The following CYTH1 variants were observed in gnomAD, a reference collection of about 807,000 sequenced individuals.
CYTH1 encodes cytohesin-1.
A neutral mutation model predicts 61.8 loss-of-function variants in CYTH1; 18 were observed. The observed-to-expected ratio is 0.29, with a 90% CI of 0.20 to 0.43. The LOEUF is 0.43. Ranked by LOEUF, CYTH1 falls within the 20% of genes least tolerant of loss-of-function variation. CYTH1 has a pLI of 1.00. For synonymous variants in CYTH1, 174 were observed against 184.3 expected, an observed-to-expected ratio of 0.94 and a Z score of 0.45; for missense variants, 336 against 510.5, an observed-to-expected ratio of 0.66 and a Z score of 3.29.
intron 1 of CYTH1, among the ~76,000 whole-genome samples, chr17:78,741,458 AC>A (rs2093341573): frequency 6.6e-6 from 1 of 152,212 alleles, no homozygotes; most frequent in Non-Finnish European, 1.5e-5. Context: ...AAAGCATAAT[AC>A]CCATATCAAT....
At chr17:78,782,123 C>A in intron 1 of CYTH1, 79 bp downstream of exon 1, 2 of 1,185,284 alleles carry the variant, frequency 1.7e-6, no homozygotes, top group Non-Finnish European at 2.1e-6. Context: ...CCAGCCGCCG[C>A]AAGCGCTGCC....
At chr17:78,718,218 TACACACACACACACACACACACACAC>T (rs55803104) in intron 1 of CYTH1, among the ~76,000 whole-genome samples, 3 of 128,394 alleles carry the variant, frequency 2.3e-5, no homozygotes, top group Middle Eastern at 3.7e-3. Flanking sequence ...AAACACTGAA[TACACACACACACACACACACACACAC>T]ACACACACAC....
intron 1 of CYTH1, among the ~76,000 whole-genome samples, chr17:78,712,249 G>A (rs2093142318): frequency 6.6e-6 from 1 of 151,936 alleles, no homozygotes; most frequent in Admixed American, 6.6e-5. Context: ...GAAAAGAAAT[G>A]CATTTTACAT....
chr17:78,698,168 AACACGC>A (rs1424250704), intron 9 of CYTH1, 95 bp downstream of exon 9: 2 of 983,422 alleles, frequency 2.0e-6, no homozygotes, highest in African/African-American at 3.3e-5. Context: ...CACACGCACA[AACACGC>A]ACACGCGCAC....
intron 1 of CYTH1, among the ~76,000 whole-genome samples, chr17:78,763,633 T>C (rs2093437272): frequency 6.6e-6 from 1 of 152,222 alleles, no homozygotes; most frequent in African/African-American, 2.4e-5. Context: ...AGTTGTTCTA[T>C]AAAATATGCT....
chr17:78,760,575 ACATATATATG>A (rs2093424625), intron 1 of CYTH1, among the ~76,000 whole-genome samples: 1 of 29,726 alleles, frequency 3.4e-5, no homozygotes, highest in Non-Finnish European at 8.1e-5. Context: ...ATATACACAT[ACATATATATG>A]TATATATATG....
rs183161362 is a variant in CYTH1, at chr17:78,721,528, T to C, written c.23-11796A>G. The stretch of plus-strand genomic sequence containing the variant: ...AGTTTCCCCACTAACAGTAAATCTA[T>C]TAAAGGCTTTTATTACTGCATTCTG... On this transcript the variant is annotated intron_variant, in intron 1 of 13. Transcript: ENST00000446868. Among the ~76,000 whole-genome samples, 13 of 152,328 alleles carry C rather than the reference T, an allele frequency of 8.5e-5. No homozygotes were observed. The East Asian group carries it at 2.1e-3, about 25-fold the overall frequency.
chr17:78,678,336 C>T (rs7502985), intron 13 of CYTH1: 152,483 of 152,520 alleles, frequency 1, 76,223 homozygotes, highest in Non-Finnish European at 1. Flanking sequence ...ACCACGATGC[C>T]ACAGGGGGAG....
chr17:78,742,383 G>A (rs1480340669), intron 1 of CYTH1, among the ~76,000 whole-genome samples: 1 of 152,218 alleles, frequency 6.6e-6, no homozygotes, highest in East Asian at 1.9e-4. Context: ...GAGAGAAGGT[G>A]GGACCCTGTC....
intron 1 of CYTH1, among the ~76,000 whole-genome samples, chr17:78,742,423 G>A (rs2093345023): frequency 6.6e-6 from 1 of 152,158 alleles, no homozygotes; most frequent in Non-Finnish European, 1.5e-5. Flanking sequence ...TTAGCTGGGC[G>A]TGGTGGCACA....
At chr17:78,688,674 A>G (rs901051547) in intron 11 of CYTH1, among the ~76,000 whole-genome samples, 5 of 152,228 alleles carry the variant, frequency 3.3e-5, no homozygotes, top group African/African-American at 1.2e-4. Flanking sequence ...GTGGCCTTCA[A>G]TAATTGCTTC....
intron 1 of CYTH1, among the ~76,000 whole-genome samples, chr17:78,778,972 T>C (rs1216212210): frequency 6.6e-6 from 1 of 152,174 alleles, no homozygotes; most frequent in African/African-American, 2.4e-5. Flanking sequence ...ACACAAACCT[T>C]AAAGAACTTG....
chr17:78,777,692 G>A (rs1210241999), intron 1 of CYTH1, among the ~76,000 whole-genome samples: 1 of 151,474 alleles, frequency 6.6e-6, no homozygotes, highest in African/African-American at 2.4e-5. Context: ...TTTCCCTCCA[G>A]AAAGAATTCT....
intron 1 of CYTH1, among the ~76,000 whole-genome samples, chr17:78,760,551 A>G (rs55760148): frequency 1.4e-4 from 4 of 28,228 alleles, no homozygotes; most frequent in Admixed American, 4.2e-4. Context: ...ATATGTATAT[A>G]TATATGTATA....
At chr17:78,738,606 T>C (rs541443307) in intron 1 of CYTH1, among the ~76,000 whole-genome samples, 1 of 151,086 alleles carries the variant, frequency 6.6e-6, no homozygotes, top group Non-Finnish European at 1.5e-5. Context: ...AACAGTTGAA[T>C]AAATACATAT....
intron 3 of CYTH1, 82 bp from the exon 4 acceptor site, chr17:78,702,686 A>C (rs1377648966): frequency 4.2e-6 from 6 of 1,434,124 alleles, no homozygotes; most frequent in Non-Finnish European, 5.9e-6. Flanking sequence ...CCACTGATTT[A>C]CACAGGTTTT....
At chr17:78,708,883 A>G (rs1252204825) in intron 2 of CYTH1, 1 of 152,478 alleles carries the variant, frequency 6.6e-6, no homozygotes, top group Non-Finnish European at 1.5e-5. Context: ...AGGGAGAACT[A>G]TCAAAATATA....
rs1228827857 is a variant in CYTH1 at position 78,674,091 on chromosome 17, G to A, written c.*2000C>T. ...AGTTTATTTGCTGCAGTTCCTTGGC[G>A]CTAGTTTACAAGGCAAAAACAAACA... is the stretch of plus-strand genomic sequence containing the variant. On this transcript the variant is annotated 3_prime_UTR_variant, in exon 14 of 14. Coordinates refer to ENST00000446868, the MANE Select transcript of CYTH1 (RefSeq NM_004762.6). The A allele has an allele frequency of 6.6e-6, 1 of 152,524 alleles. No individual in the cohort carries two copies. Among genetic ancestry groups the A allele is most frequent in the East Asian group, 1.9e-4 (1 of 5,188 alleles). 9.4% of individuals were successfully genotyped at this position (152,524 alleles called of 1,614,324 possible). A position where few individuals can be genotyped will look rare whatever the true frequency, so the allele number is the denominator to read the frequency against.
chr17:78,760,483 ATG>A lies in CYTH1; in HGVS notation c.22+21717_22+21718del, dbSNP rs1218127586. Among the ~76,000 whole-genome samples, 97 of 48,786 alleles carry A rather than the reference ATG, an allele frequency of 2.0e-3. 5 individuals are homozygous for A. Among genetic ancestry groups the A allele is most frequent in the African/African-American group, 7.6e-3 (82 of 10,802 alleles). The allele number at this position is 48,786 out of a possible 152,430, so 32.0% of individuals were successfully genotyped here. A position where few individuals can be genotyped will look rare whatever the true frequency, so the allele number is the denominator to read the frequency against. On this transcript the variant is annotated intron_variant, in intron 1 of 13. Transcript: ENST00000446868. ...TACATATATATATGTATATATATGT[ATG>A]TATATATATATACATATATATGTAT... is the stretch of plus-strand genomic sequence containing the variant.
Sources: allele counts gnomAD v4.1 joint callset (sites outside exome capture counted in the v4.1 genomes callset), GRCh38; gene constraint gnomAD v4.1.1; transcripts MANE v1.5; gene names NCBI Gene and HGNC (gene_info 2026-07-23, HGNC 2026-07-21).